The following KLRD1 variants were observed in gnomAD, a reference collection of about 807,000 sequenced individuals.
The protein encoded by KLRD1 is killer cell lectin like receptor D1.
A neutral mutation model predicts 22.6 loss-of-function variants in KLRD1; 21 were observed. The ratio of observed to expected loss-of-function variants is 0.93; its 90% CI spans 0.66 to 1.34. The LOEUF (loss-of-function observed/expected upper bound fraction) is 1.34. Ranked by LOEUF, KLRD1 falls within the 40% of genes most tolerant of loss-of-function variation. The probability of loss-of-function intolerance (pLI) is 0.00; values close to 1 mark genes in which losing one functional copy is unlikely to be tolerated. For synonymous variants in KLRD1, 59 were observed against 71.1 expected (o/e 0.83, Z 0.85); for missense variants, 183 against 208.6 (o/e 0.88, Z 0.76).
intron 1 of KLRD1, among the ~76,000 whole-genome samples, chr12:10,240,191 G>A (rs965474776): frequency 6.6e-6 from 1 of 151,682 alleles, no homozygotes; most frequent in South Asian, 2.1e-4. Flanking sequence ...CCCCCAAGTC[G>A]CTGGGACCAC....
chr12:10,319,972 TCTC>T lies in KLRD1; in HGVS notation c.*5182_*5184del, dbSNP rs1950296183. The T allele has an allele frequency of 1.3e-5, 2 of 148,670 alleles. No homozygotes were observed. The highest frequency in any genetic ancestry group is 3.0e-5 in the Non-Finnish European group (2 of 67,458). 9.2% of individuals were successfully genotyped at this position (148,670 alleles called of 1,614,324 possible). On this transcript the variant is annotated 3_prime_UTR_variant, in exon 6 of 6. Coordinates refer to ENST00000336164, the MANE Select transcript of KLRD1 (RefSeq NM_002262.5). ...CTTCTGCCTCCTGGATTCAAGCAATTCTCCTGCCTCAGCCTCCTGAGCAGCTGG... is the reference window on the plus strand; with the variant it reads ...CTTCTGCCTCCTGGATTCAAGCAATTCTGCCTCAGCCTCCTGAGCAGCTGG...
At chr12:10,265,549 G>C (rs188741153) in intron 1 of KLRD1, among the ~76,000 whole-genome samples, 20 of 152,332 alleles carry the variant, frequency 1.3e-4, no homozygotes, top group Non-Finnish European at 4.4e-5. Flanking sequence ...CTGAAGTCAG[G>C]AGTTCGAGAC....
intron 1 of KLRD1, among the ~76,000 whole-genome samples, chr12:10,245,631 T>C (rs1949283689): frequency 6.6e-6 from 1 of 152,180 alleles, no homozygotes; most frequent in Non-Finnish European, 1.5e-5. Context: ...GTACATGTAC[T>C]TGTCTTTCTG....
intron 1 of KLRD1, among the ~76,000 whole-genome samples, chr12:10,239,443 TTCC>T (rs1462270621): frequency 0.11 from 5,057 of 47,036 alleles, 702 homozygotes; most frequent in African/African-American, 0.29. Context: ...CTTTCCTTCC[TTCC>T]TTCCTTCCTT....
intron 1 of KLRD1, among the ~76,000 whole-genome samples, chr12:10,295,495 T>C (rs1949813297): frequency 1.2e-5 from 1 of 81,300 alleles, no homozygotes; most frequent in Non-Finnish European, 2.6e-5. Flanking sequence ...TTAAGCCAGG[T>C]ATCCCATTTT....
Position 10,324,149 on chromosome 12 carries a change from A to G in KLRD1, c.*9356A>G, listed in dbSNP as rs185547925. The stretch of plus-strand genomic sequence containing the variant: ...AGTGCTGGAATTACAGGCGTGAGCC[A>G]CCACATCCAGCCGATTCCTTTTTAC... On this transcript the variant is annotated 3_prime_UTR_variant, in exon 6 of 6. Coordinates refer to ENST00000336164, the MANE Select transcript of KLRD1 (RefSeq NM_002262.5). The G allele has an allele frequency of 6.2e-3, 950 of 152,326 alleles. 5 individuals carry two copies. Among genetic ancestry groups the G allele is most frequent in the Non-Finnish European group, 9.6e-3 (653 of 68,088 alleles). The allele number at this position is 152,326 out of a possible 1,614,324, so 9.4% of individuals were successfully genotyped here. A position where few individuals can be genotyped will look rare whatever the true frequency, so the allele number is the denominator to read the frequency against.
chr12:10,284,519 A>G (rs1052393280), intron 1 of KLRD1, among the ~76,000 whole-genome samples: 3 of 152,222 alleles, frequency 2.0e-5, no homozygotes, highest in Admixed American at 2.0e-4. Flanking sequence ...TTAGCTAATC[A>G]TAGTTTTTGT....
chr12:10,276,039 AC>A (rs1260759074), intron 1 of KLRD1, among the ~76,000 whole-genome samples: 3 of 152,066 alleles, frequency 2.0e-5, no homozygotes, highest in Admixed American at 1.3e-4. Context: ...ATAGAATGAA[AC>A]TATACTTTTT....
At chr12:10,252,589 A>T (rs1949355538) in intron 1 of KLRD1, among the ~76,000 whole-genome samples, 1 of 152,204 alleles carries the variant, frequency 6.6e-6, no homozygotes, top group Non-Finnish European at 1.5e-5. Flanking sequence ...TTAAGATTTG[A>T]ATTCATGATT....
intron 1 of KLRD1, among the ~76,000 whole-genome samples, chr12:10,266,218 T>C (rs1949497412): frequency 6.6e-6 from 1 of 152,224 alleles, no homozygotes; most frequent in Non-Finnish European, 1.5e-5. Context: ...ACATACATAC[T>C]TGTTTCTTAT....
chr12:10,261,900 C>T (rs1022278651), intron 1 of KLRD1, among the ~76,000 whole-genome samples: 1 of 152,092 alleles, frequency 6.6e-6, no homozygotes, highest in African/African-American at 2.4e-5. Flanking sequence ...AAGCAATCAA[C>T]AAATATTAGC....
chr12:10,283,056 A>G (rs1021007936), intron 1 of KLRD1, among the ~76,000 whole-genome samples: 2 of 152,246 alleles, frequency 1.3e-5, no homozygotes, highest in Non-Finnish European at 2.9e-5. Flanking sequence ...AGGGAAGTTA[A>G]CAGAGGAGGG....
At position 10,327,783 on chromosome 12, in the gene KLRD1, T is replaced by G. The variant is rs767272113; in HGVS notation, c.*12990T>G. 6.6e-6 allele frequency: 1 copy of G among 152,200 alleles called. No individual in the cohort carries two copies. Among genetic ancestry groups the G allele is most frequent in the Non-Finnish European group, 1.5e-5 (1 of 68,030 alleles). The allele number at this position is 152,200 out of a possible 1,614,324, so 9.4% of individuals were successfully genotyped here. On this transcript the variant is annotated 3_prime_UTR_variant, in exon 6 of 6. Transcript: ENST00000336164. ...AAGTTCAGCTTTTTCCATAGCATGATATTAGCTATGCACTTTACATATAGG... is the reference window on the plus strand; with the variant it reads ...AAGTTCAGCTTTTTCCATAGCATGAGATTAGCTATGCACTTTACATATAGG...
intron 1 of KLRD1, among the ~76,000 whole-genome samples, chr12:10,257,761 A>G (rs2537802): frequency 0.062 from 9,335 of 151,490 alleles, 858 homozygotes; most frequent in African/African-American, 0.2. Context: ...GTTTCTTCCA[A>G]TGGGTTGTGT....
intron 1 of KLRD1, among the ~76,000 whole-genome samples, chr12:10,263,972 A>G (rs772529592): frequency 1.3e-5 from 2 of 152,098 alleles, no homozygotes; most frequent in Non-Finnish European, 1.5e-5. Flanking sequence ...CATGGACATG[A>G]TCTTAGTTGA....
chr12:10,239,606 T>G (rs371614936), intron 1 of KLRD1, among the ~76,000 whole-genome samples: 1 of 149,752 alleles, frequency 6.7e-6, no homozygotes, highest in East Asian at 2.0e-4. Flanking sequence ...TCTTTCTCTC[T>G]CTTTCTTTCT....
Position 10,254,431 on chromosome 12 carries a change from CAAAAAAAAA to C in KLRD1, c.-101+28211_-101+28219del, listed in dbSNP as rs71300165. On this transcript the variant is annotated intron_variant, in intron 1 of 5. Transcript: ENST00000544747. ...TGGGCGACAGAGCCACACTCCGTCTCAAAAAAAAAAAAAAAAAAAAACCTATCAACAGAG... is the reference window on the plus strand; with the variant it reads ...TGGGCGACAGAGCCACACTCCGTCTCAAAAAAAAAAAACCTATCAACAGAG... Among the ~76,000 whole-genome samples the C allele has an allele frequency of 3.5e-4, 30 of 86,954 alleles. No homozygotes were observed. The South Asian group carries it at 0.014, about 42-fold the overall frequency. 57.0% of individuals were successfully genotyped at this position (86,954 alleles called of 152,430 possible). A position where few individuals can be genotyped will look rare whatever the true frequency, so the allele number is the denominator to read the frequency against.
rs1026651749 is a variant in KLRD1, at chr12:10,328,344, G to C, written c.*13551G>C. ...TGATTCAATCTTCATTCTAGTTATA[G>C]ATACGCTCATATTTTCTATTTCTTC... is the stretch of plus-strand genomic sequence containing the variant. On this transcript the variant is annotated 3_prime_UTR_variant, in exon 6 of 6. Transcript: ENST00000336164. 2.6e-5 allele frequency: 4 copies of C among 152,094 alleles called. No homozygotes were observed. Among genetic ancestry groups the C allele is most frequent in the Non-Finnish European group, 5.9e-5 (4 of 68,012 alleles). 9.4% of individuals were successfully genotyped at this position (152,094 alleles called of 1,614,324 possible).
intron 1 of KLRD1, among the ~76,000 whole-genome samples, chr12:10,251,390 G>T (rs1949345128): frequency 6.6e-6 from 1 of 151,996 alleles, no homozygotes; most frequent in Non-Finnish European, 1.5e-5. Flanking sequence ...CTCCTAAAGT[G>T]CTGGGATTAC....
Sources: allele counts gnomAD v4.1 joint callset (sites outside exome capture counted in the v4.1 genomes callset), GRCh38; gene constraint gnomAD v4.1.1; transcripts MANE v1.5; gene names NCBI Gene and HGNC (gene_info 2026-07-23, HGNC 2026-07-21).